Variants in GPC5 observed in about 807,000 individuals in gnomAD.
GPC5 encodes the protein glypican 5, also known as glypican-5.
A neutral mutation model predicts 53.9 loss-of-function variants in GPC5; 47 were observed. The ratio of observed to expected loss-of-function variants is 0.87; its 90% CI spans 0.69 to 1.11. The LOEUF (loss-of-function observed/expected upper bound fraction) is 1.11. Among genes scored for constraint, GPC5 ranks in the 50% most tolerant of loss-of-function variants. GPC5 has a pLI of 0.00. For missense variants in GPC5, 748 were observed against 713.1 expected (o/e 1.05, Z -0.56); for synonymous variants, 286 against 263.3 (o/e 1.09, Z -0.84).
intron 7 of GPC5, among the ~76,000 whole-genome samples, chr13:92,664,030 C>T (rs1886486507): frequency 6.6e-6 from 1 of 150,974 alleles, no homozygotes; most frequent in Non-Finnish European, 1.5e-5. Context: ...CGAGATTGCG[C>T]CACTGCACTC....
intron 7 of GPC5, among the ~76,000 whole-genome samples, chr13:92,837,874 C>T (rs1878271052): frequency 6.6e-6 from 1 of 151,814 alleles, no homozygotes; most frequent in Non-Finnish European, 1.5e-5. Flanking sequence ...GGGCGGATCA[C>T]CTGAGGTCGG....
intron 2 of GPC5, among the ~76,000 whole-genome samples, chr13:91,526,071 C>T (rs1444284724): frequency 1.3e-5 from 2 of 152,092 alleles, no homozygotes; most frequent in Non-Finnish European, 2.9e-5. Context: ...GGAAAAATTT[C>T]TCCCCAGGTA....
At chr13:91,623,769 C>G (rs2033928603) in intron 2 of GPC5, among the ~76,000 whole-genome samples, 1 of 151,990 alleles carries the variant, frequency 6.6e-6, no homozygotes, top group Non-Finnish European at 1.5e-5. Flanking sequence ...TTCTTTGGCT[C>G]AGTTATATAA....
At chr13:92,305,323 A>G (rs961621641) in intron 7 of GPC5, among the ~76,000 whole-genome samples, 5 of 152,200 alleles carry the variant, frequency 3.3e-5, no homozygotes, top group African/African-American at 9.7e-5. Flanking sequence ...TATTTTTAAA[A>G]GGTATGTAAA....
At position 92,675,683 on chromosome 13, in the gene GPC5, T is replaced by C. The variant is rs1230787359; in HGVS notation, c.1562-190599T>C. Among the ~76,000 whole-genome samples the C allele has an allele frequency of 7.9e-5, 12 of 152,186 alleles. No homozygotes were observed. The East Asian group carries it at 2.3e-3, about 29-fold the overall frequency. On this transcript the variant is annotated intron_variant, in intron 7 of 7. Coordinates refer to ENST00000377067, the MANE Select transcript of GPC5 (RefSeq NM_004466.6). Reference sequence around the variant, plus strand: ...GGACTAAAGTTTCTTATATGAATCTTATAGTTTACTTAGCACGTGCTTTAA... The same window carrying C: ...GGACTAAAGTTTCTTATATGAATCTCATAGTTTACTTAGCACGTGCTTTAA...
intron 7 of GPC5, among the ~76,000 whole-genome samples, chr13:92,632,995 G>T (rs1486141078): frequency 1.3e-5 from 2 of 152,056 alleles, no homozygotes; most frequent in Admixed American, 6.5e-5. Flanking sequence ...GGTTCAAGCG[G>T]TTCTCCTGCC....
chr13:92,839,726 T>A (rs1206562949), intron 7 of GPC5, among the ~76,000 whole-genome samples: 5 of 151,786 alleles, frequency 3.3e-5, no homozygotes, highest in Non-Finnish European at 7.4e-5. Context: ...GAAAAAAAAA[T>A]AATAAAATAG....
chr13:92,788,546 T>A (rs1876343836), intron 7 of GPC5, among the ~76,000 whole-genome samples: 1 of 152,222 alleles, frequency 6.6e-6, no homozygotes, highest in Admixed American at 6.5e-5. Context: ...TGTCAGCACA[T>A]CTAAATTTGT....
chr13:91,969,078 C>T lies in GPC5; in HGVS notation c.1401+61021C>T, dbSNP rs191019976. Among the ~76,000 whole-genome samples the T allele has an allele frequency of 9.7e-4, 148 of 152,044 alleles. 2 individuals carry two copies. Among genetic ancestry groups the T allele is most frequent in the African/African-American group, 3.2e-3 (131 of 41,460 alleles). On this transcript the variant is annotated intron_variant, in intron 6 of 7. Coordinates refer to ENST00000377067, the MANE Select transcript of GPC5 (RefSeq NM_004466.6). ...CCGCCTCCCAGGTTCAAGCGATTCTCCTGCCTCAGCCTCCCAAGTTGCTGG... is the reference window on the plus strand; with the variant it reads ...CCGCCTCCCAGGTTCAAGCGATTCTTCTGCCTCAGCCTCCCAAGTTGCTGG...
At chr13:91,699,775 A>G (rs963353567) in intron 3 of GPC5, among the ~76,000 whole-genome samples, 11 of 152,192 alleles carry the variant, frequency 7.2e-5, no homozygotes, top group African/African-American at 2.7e-4. Flanking sequence ...AGGGTTATCT[A>G]TTCTAACTCA....
intron 1 of GPC5, among the ~76,000 whole-genome samples, chr13:91,421,610 C>T (rs1021679174): frequency 1.1e-4 from 16 of 152,228 alleles, no homozygotes; most frequent in African/African-American, 3.9e-4. Context: ...TTTGTCAATG[C>T]TTGACAAATG....
chr13:91,791,079 C>G (rs761277209), intron 5 of GPC5, among the ~76,000 whole-genome samples: 3 of 152,212 alleles, frequency 2.0e-5, no homozygotes, highest in African/African-American at 7.2e-5. Flanking sequence ...AAGGTACTCA[C>G]TTCTTGGCTG....
chr13:92,840,795 T>A (rs1023623410), intron 7 of GPC5, among the ~76,000 whole-genome samples: 5 of 152,128 alleles, frequency 3.3e-5, no homozygotes, highest in African/African-American at 1.2e-4. Context: ...CATTTTGTAG[T>A]TTTCAGTGTA....
At chr13:91,687,085 T>C (rs953535332) in intron 2 of GPC5, among the ~76,000 whole-genome samples, 8 of 151,928 alleles carry the variant, frequency 5.3e-5, no homozygotes, top group Non-Finnish European at 1.2e-4. Context: ...ATAAAAAATA[T>C]TAAAAGGGTC....
chr13:92,862,331 T>G (rs1798738272), intron 7 of GPC5, among the ~76,000 whole-genome samples: 1 of 152,184 alleles, frequency 6.6e-6, no homozygotes, highest in African/African-American at 2.4e-5. Context: ...AAAAGTGTTC[T>G]TTGTAATAGA....
At chr13:92,270,855 T>C (rs572665592) in intron 7 of GPC5, among the ~76,000 whole-genome samples, 1 of 152,322 alleles carries the variant, frequency 6.6e-6, no homozygotes, top group South Asian at 2.1e-4. Context: ...TTTGCAAAGA[T>C]AACAGCCTTG....
At chr13:92,681,667 G>A (rs1185924599) in intron 7 of GPC5, among the ~76,000 whole-genome samples, 1 of 151,990 alleles carries the variant, frequency 6.6e-6, no homozygotes. Context: ...TGTCCGTCTC[G>A]CCCTCCTAAT....
intron 7 of GPC5, among the ~76,000 whole-genome samples, chr13:92,604,274 A>G (rs1167702128): frequency 6.6e-6 from 1 of 152,212 alleles, no homozygotes; most frequent in Non-Finnish European, 1.5e-5. Flanking sequence ...AAATGTATTT[A>G]GGGATTTACA....
chr13:91,720,877 C>T (rs2036448449), intron 3 of GPC5, among the ~76,000 whole-genome samples: 1 of 152,018 alleles, frequency 6.6e-6, no homozygotes, highest in South Asian at 2.1e-4. Context: ...TCTGCTGTCT[C>T]CTCCTTCAAT....
Sources: gnomAD v4.1 joint callset for allele counts (sites outside exome capture counted in the v4.1 genomes callset) on GRCh38, gnomAD v4.1.1 for gene constraint, MANE v1.5 for transcripts, NCBI Gene and HGNC (gene_info 2026-07-23, HGNC 2026-07-21) for gene names.